Variants in ALK observed in about 807,000 individuals in gnomAD.
ALK encodes ALK tyrosine kinase receptor.
A neutral mutation model predicts 163.1 loss-of-function variants in ALK; 74 were observed. That is an observed-to-expected ratio of 0.45 (90% CI 0.38 to 0.55). The LOEUF (loss-of-function observed/expected upper bound fraction) is 0.55. Ranked by LOEUF, ALK falls within the 20% of genes least tolerant of loss-of-function variation. ALK has a pLI of 0.00. For missense variants in ALK, 2,063 were observed against 2,105.3 expected, an observed-to-expected ratio of 0.98 and a Z score of 0.39; for synonymous variants, 960 against 843.2, an observed-to-expected ratio of 1.14 and a Z score of -2.40.
intron 4 of ALK, among the ~76,000 whole-genome samples, chr2:29,517,620 T>C (rs1476351911): frequency 6.6e-6 from 1 of 152,144 alleles, no homozygotes; most frequent in Non-Finnish European, 1.5e-5. Flanking sequence ...TCTCTCCAAT[T>C]TTTAAACCTC....
chr2:29,634,238 G>C (rs1676461654), intron 3 of ALK, among the ~76,000 whole-genome samples: 1 of 151,928 alleles, frequency 6.6e-6, no homozygotes, highest in African/African-American at 2.4e-5. Context: ...GCTAGGATTA[G>C]TGACACACTG....
intron 3 of ALK, among the ~76,000 whole-genome samples, chr2:29,693,432 C>G (rs6755546): frequency 0.013 from 1,897 of 150,236 alleles, 42 homozygotes; most frequent in African/African-American, 0.043. Flanking sequence ...CACACACACA[C>G]ACACAGACAC....
At chr2:29,831,713 T>C (rs893949133) in intron 1 of ALK, among the ~76,000 whole-genome samples, 2 of 152,226 alleles carry the variant, frequency 1.3e-5, no homozygotes, top group Non-Finnish European at 2.9e-5. Context: ...CTGTCTAGGC[T>C]ATAGTTTCTC....
chr2:29,605,258 T>G (rs1187073209), intron 3 of ALK, among the ~76,000 whole-genome samples: 1 of 152,192 alleles, frequency 6.6e-6, no homozygotes, highest in African/African-American at 2.4e-5. Context: ...ATGCCACCAC[T>G]GATCTGACAG....
intron 4 of ALK, among the ~76,000 whole-genome samples, chr2:29,450,082 T>C (rs1033188568): frequency 3.9e-5 from 6 of 152,054 alleles, no homozygotes; most frequent in African/African-American, 1.5e-4. Context: ...CCCTTCCTGC[T>C]CCCTCCTTGA....
rs148059286 is a variant in ALK at position 29,490,259 on chromosome 2, G to A, written c.1154+41656C>T. On this transcript the variant is annotated intron_variant, in intron 4 of 28. Coordinates refer to ENST00000389048, the MANE Select transcript of ALK (RefSeq NM_004304.5). ...GGGTCATATGACCTTGGCCTTGGGC[G>A]GAGGAGGGGCTAACACTCAGCGTGG... Among the ~76,000 whole-genome samples, 62 of 152,370 alleles carry A rather than the reference G, an allele frequency of 4.1e-4. 1 individual carries two copies. In the East Asian group the frequency reaches 0.011, roughly 27 times the overall value.
intron 1 of ALK, among the ~76,000 whole-genome samples, chr2:29,876,939 C>T (rs1194500017): frequency 6.6e-6 from 1 of 152,130 alleles, no homozygotes; most frequent in Non-Finnish European, 1.5e-5. Context: ...CTTGTCCATC[C>T]TTCCATCTTT....
chr2:29,441,636 T>C (rs1670548718), intron 4 of ALK, among the ~76,000 whole-genome samples: 1 of 152,198 alleles, frequency 6.6e-6, no homozygotes, highest in Non-Finnish European at 1.5e-5. Context: ...TAGCTGTGTA[T>C]ACCACCTTAA....
intron 1 of ALK, among the ~76,000 whole-genome samples, chr2:29,730,899 C>CA (rs2148317261): frequency 6.6e-6 from 1 of 152,264 alleles, no homozygotes; most frequent in African/African-American, 2.4e-5. Flanking sequence ...GATGTGGCCA[C>CA]AATCACACAA....
At chr2:29,703,971 G>T (rs181544822) in intron 2 of ALK, among the ~76,000 whole-genome samples, 3 of 152,276 alleles carry the variant, frequency 2.0e-5, no homozygotes, top group Admixed American at 6.5e-5. Flanking sequence ...ACGGGAGCTG[G>T]TCAGACGTAC....
At chr2:29,582,051 G>A (rs1674712206) in intron 3 of ALK, among the ~76,000 whole-genome samples, 1 of 152,134 alleles carries the variant, frequency 6.6e-6, no homozygotes. Context: ...GGCCTTCACT[G>A]TACAAAGCAT....
At chr2:29,587,361 C>T (rs1178511154) in intron 3 of ALK, among the ~76,000 whole-genome samples, 1 of 152,096 alleles carries the variant, frequency 6.6e-6, no homozygotes, top group Non-Finnish European at 1.5e-5. Context: ...TATTTTTAAG[C>T]ACAACTCAAA....
At chr2:29,738,569 C>A (rs758264631) in intron 1 of ALK, among the ~76,000 whole-genome samples, 1 of 151,800 alleles carries the variant, frequency 6.6e-6, no homozygotes, top group African/African-American at 2.4e-5. Flanking sequence ...GTTTTTAGGA[C>A]GAGGAGAAAT....
chr2:29,533,547 G>A (rs1296323867), intron 3 of ALK, among the ~76,000 whole-genome samples: 1 of 152,168 alleles, frequency 6.6e-6, no homozygotes, highest in East Asian at 1.9e-4. Flanking sequence ...ACATGGCCAA[G>A]GTAACTTGTG....
chr2:29,884,736 G>A (rs1572468351), intron 1 of ALK, among the ~76,000 whole-genome samples: 1 of 152,130 alleles, frequency 6.6e-6, no homozygotes, highest in South Asian at 2.1e-4. Flanking sequence ...GAAAAAGTTT[G>A]GGTTATAAAA....
chr2:29,672,113 T>C (rs1031270834), intron 3 of ALK, among the ~76,000 whole-genome samples: 34 of 151,674 alleles, frequency 2.2e-4, no homozygotes, highest in Non-Finnish European at 2.1e-4. Flanking sequence ...GGAGGTTTTT[T>C]CATACATTTT....
At chr2:29,483,112 A>G (rs182063085) in intron 4 of ALK, among the ~76,000 whole-genome samples, 23 of 152,258 alleles carry the variant, frequency 1.5e-4, no homozygotes, top group Non-Finnish European at 2.9e-4. Context: ...GAGCAGGAAT[A>G]GGAGTTACAA....
intron 5 of ALK, among the ~76,000 whole-genome samples, chr2:29,349,099 T>G (rs947594162): frequency 1.3e-5 from 2 of 152,192 alleles, no homozygotes; most frequent in East Asian, 3.8e-4. Flanking sequence ...AGAGTAAGTC[T>G]TGATGAATGT....
intron 2 of ALK, among the ~76,000 whole-genome samples, chr2:29,696,240 T>C (rs1447908153): frequency 6.6e-6 from 1 of 152,082 alleles, no homozygotes; most frequent in Non-Finnish European, 1.5e-5. Context: ...TGCACGGACA[T>C]AGATGAAGCT....
Sources: allele counts gnomAD v4.1 joint callset (sites outside exome capture counted in the v4.1 genomes callset), GRCh38; gene constraint gnomAD v4.1.1; transcripts MANE v1.5; gene names NCBI Gene and HGNC (gene_info 2026-07-23, HGNC 2026-07-21).